Variants in MYO18B observed in about 807,000 individuals in gnomAD.
The protein encoded by MYO18B is unconventional myosin-XVIIIb.
A neutral mutation model predicts 273.0 loss-of-function variants in MYO18B; 204 were observed. The observed-to-expected ratio is 0.75, with a 90% CI of 0.67 to 0.84. MYO18B has a LOEUF of 0.84. Among genes scored for constraint, MYO18B ranks in the 40% least tolerant of loss-of-function variants. The pLI is 0.00. For missense variants in MYO18B, 3,212 were observed against 3,287.6 expected, an observed-to-expected ratio of 0.98 and a Z score of 0.56; for synonymous variants, 1,330 against 1,305.7, an observed-to-expected ratio of 1.02 and a Z score of -0.40.
chr22:26,034,411 C>T (rs570075999), downstream of MYO18B, among the ~76,000 whole-genome samples: 121 of 152,354 alleles, frequency 7.9e-4, no homozygotes, highest in Middle Eastern at 6.8e-3. Context: ...ACCTCTCCTT[C>T]ACTCATTTGG....
intron 42 of MYO18B, among the ~76,000 whole-genome samples, chr22:26,018,929 C>T (rs1462539511): frequency 6.6e-6 from 1 of 152,176 alleles, no homozygotes; most frequent in African/African-American, 2.4e-5. Flanking sequence ...GCACTCCAGC[C>T]TGGGTGACAA....
chr22:26,032,258 G>T (rs750411373), downstream of MYO18B, among the ~76,000 whole-genome samples: 1 of 152,200 alleles, frequency 6.6e-6, no homozygotes, highest in Non-Finnish European at 1.5e-5. Flanking sequence ...TCCACCGCCT[G>T]GGTGGCCTAA....
At chr22:25,760,679 G>C (rs531845015) in intron 1 of MYO18B, among the ~76,000 whole-genome samples, 1 of 152,250 alleles carries the variant, frequency 6.6e-6, no homozygotes, top group South Asian at 2.1e-4. Context: ...TCTTGATCAG[G>C]GTGCTAGTTA....
chr22:25,817,831 C>G (rs1451753844), intron 12 of MYO18B, among the ~76,000 whole-genome samples: 1 of 152,136 alleles, frequency 6.6e-6, no homozygotes, highest in Non-Finnish European at 1.5e-5. Context: ...CATTTATTTC[C>G]CAGTGATACT....
At chr22:25,765,297 A>G (rs182892759) in intron 3 of MYO18B, among the ~76,000 whole-genome samples, 121 of 152,276 alleles carry the variant, frequency 7.9e-4, no homozygotes, top group African/African-American at 2.8e-3. Flanking sequence ...CTGCCAATTT[A>G]ATTTTCTTGT....
rs1023828598 is a variant in MYO18B at position 25,927,361 on chromosome 22, C to A, written c.5517+5952C>A. Among the ~76,000 whole-genome samples, 3 of 152,244 alleles carry A rather than the reference C, an allele frequency of 2.0e-5. No individual in the cohort carries two copies. In the East Asian group the frequency reaches 5.8e-4, roughly 29 times the overall value. On this transcript the variant is annotated intron_variant, in intron 34 of 43. Coordinates refer to ENST00000335473, the MANE Select transcript of MYO18B (RefSeq NM_032608.7). The stretch of plus-strand genomic sequence containing the variant: ...GAGGTATAGGCTTATAAACAGCCCC[C>A]CTAGGTGCGCCTGTCTCTTATGGTC...
intron 34 of MYO18B, among the ~76,000 whole-genome samples, chr22:25,932,937 C>T (rs1442344908): frequency 6.6e-6 from 1 of 152,008 alleles, no homozygotes; most frequent in Non-Finnish European, 1.5e-5. Flanking sequence ...TATTATCTGA[C>T]CCCTGATTTT....
chr22:26,013,926 T>C (rs1935107173), intron 42 of MYO18B, among the ~76,000 whole-genome samples: 1 of 152,216 alleles, frequency 6.6e-6, no homozygotes. Flanking sequence ...ATAAGGTATG[T>C]GGGTTTTCTT....
At chr22:25,742,379 G>C (rs1390239663) in intron 1 of MYO18B, 86 bp downstream of exon 1, 1 of 152,244 alleles carries the variant, frequency 6.6e-6, no homozygotes, top group Admixed American at 6.5e-5. Context: ...GGGGGCTGCG[G>C]TGGCAGGCCT....
intron 42 of MYO18B, among the ~76,000 whole-genome samples, chr22:26,014,351 T>G (rs918224232): frequency 2.6e-5 from 4 of 152,256 alleles, no homozygotes; most frequent in Non-Finnish European, 4.4e-5. Context: ...TCTATTTCAC[T>G]TTTCTATGTG....
At chr22:25,782,654 A>C (rs989207692) in intron 10 of MYO18B, among the ~76,000 whole-genome samples, 9 of 152,038 alleles carry the variant, frequency 5.9e-5, no homozygotes, top group Admixed American at 1.3e-4. Context: ...GAGGGGTGAT[A>C]ATTTGTGGTT....
At chr22:25,961,407 C>T (rs904105823) in intron 39 of MYO18B, among the ~76,000 whole-genome samples, 2 of 152,172 alleles carry the variant, frequency 1.3e-5, no homozygotes, top group African/African-American at 4.8e-5. Flanking sequence ...AGCATAAAGA[C>T]AGATGTTGAG....
chr22:25,802,578 T>C (rs1195899516), intron 12 of MYO18B, among the ~76,000 whole-genome samples: 1 of 151,086 alleles, frequency 6.6e-6, no homozygotes, highest in Non-Finnish European at 1.5e-5. Context: ...GGAAACCTCA[T>C]CTCTACTAAA....
At chr22:25,913,972 T>TTG (rs760651571) in intron 33 of MYO18B, among the ~76,000 whole-genome samples, 2 of 152,252 alleles carry the variant, frequency 1.3e-5, no homozygotes, top group Non-Finnish European at 2.9e-5. Context: ...AAGTATTGCT[T>TTG]TTGACATTTT....
chr22:25,761,843 G>C (rs1412598573), intron 2 of MYO18B, among the ~76,000 whole-genome samples: 1 of 152,098 alleles, frequency 6.6e-6, no homozygotes, highest in Non-Finnish European at 1.5e-5. Context: ...CTGTCTCTTG[G>C]CCAGGCGTGG....
chr22:26,032,205 T>C (rs1357105070), downstream of MYO18B, among the ~76,000 whole-genome samples: 1 of 152,230 alleles, frequency 6.6e-6, no homozygotes, highest in Non-Finnish European at 1.5e-5. Context: ...AAAGGGAAAG[T>C]ATAGCATACT....
At chr22:25,803,091 A>G (rs2041778857) in intron 12 of MYO18B, among the ~76,000 whole-genome samples, 1 of 150,978 alleles carries the variant, frequency 6.6e-6, no homozygotes, top group Admixed American at 6.6e-5. Context: ...CCTCCCGAGT[A>G]GCTGGGACTA....
chr22:25,745,356 C>A (rs913113272), intron 1 of MYO18B, among the ~76,000 whole-genome samples: 1 of 152,054 alleles, frequency 6.6e-6, no homozygotes, highest in Admixed American at 6.6e-5. Context: ...GTGATCCACC[C>A]ACCTCAGCCT....
chr22:25,857,007 T>G (rs1040945177), intron 21 of MYO18B, among the ~76,000 whole-genome samples: 1 of 152,170 alleles, frequency 6.6e-6, no homozygotes, highest in African/African-American at 2.4e-5. Flanking sequence ...CAGAGGCCCC[T>G]GTCTCCTCTA....
Sources: gnomAD v4.1 joint callset for allele counts (sites outside exome capture counted in the v4.1 genomes callset) on GRCh38, gnomAD v4.1.1 for gene constraint, MANE v1.5 for transcripts, NCBI Gene and HGNC (gene_info 2026-07-23, HGNC 2026-07-21) for gene names.